CDK14: variants seen among roughly 807,000 people sequenced by gnomAD.
CDK14 encodes cyclin-dependent kinase 14.
In CDK14, 34 loss-of-function variants were observed where a neutral mutation model predicts 60.7. That is an observed-to-expected ratio of 0.56 (90% CI 0.43 to 0.75). The LOEUF (loss-of-function observed/expected upper bound fraction) is 0.75. CDK14 is among the 30% of genes least tolerant of loss of function. CDK14 has a pLI of 0.00. For synonymous variants in CDK14, 197 were observed against 203.7 expected (o/e 0.97, Z 0.28); for missense variants, 482 against 564.1 (o/e 0.85, Z 1.47).
intron 2 of CDK14, among the ~76,000 whole-genome samples, chr7:90,692,936 T>TAA (rs764007388): frequency 7.1e-6 from 1 of 141,124 alleles, no homozygotes; most frequent in African/African-American, 2.6e-5. Flanking sequence ...TTCCATCAAG[T>TAA]AAAAAAAAAA....
At chr7:90,937,586 C>CA (rs1265956868) in intron 8 of CDK14, among the ~76,000 whole-genome samples, 1 of 152,250 alleles carries the variant, frequency 6.6e-6, no homozygotes, top group Non-Finnish European at 1.5e-5. Flanking sequence ...GCATAGAAAA[C>CA]AAAATTTCTA....
intron 10 of CDK14, among the ~76,000 whole-genome samples, chr7:91,002,659 C>T (rs187144743): frequency 9.2e-5 from 14 of 152,302 alleles, no homozygotes; most frequent in African/African-American, 3.1e-4. Context: ...TCAGGGATCT[C>T]ACAGTCTGGC....
Position 90,726,860 on chromosome 7 carries a change from C to T in CDK14, c.369+48C>T, listed in dbSNP as rs568083008. 1.6e-5 allele frequency: 26 copies of T among 1,599,134 alleles called. No individual in the cohort carries two copies. The South Asian group carries it at 2.7e-4, about 17-fold the overall frequency. On this transcript the variant is annotated intron_variant, in intron 3 of 14. Transcript: ENST00000380050. Reference sequence around the variant, plus strand: ...TCACTGGGTAAACAGAAGGAATAGCCTTCTTATGATAGCATGCGGTGCTGG... The same window carrying T: ...TCACTGGGTAAACAGAAGGAATAGCTTTCTTATGATAGCATGCGGTGCTGG...
intron 10 of CDK14, among the ~76,000 whole-genome samples, chr7:91,017,565 G>T (rs1341186793): frequency 9.9e-5 from 15 of 152,170 alleles, no homozygotes; most frequent in Admixed American, 9.2e-4. Context: ...CTCAGCAGTA[G>T]GTGCTTGGTG....
intron 2 of CDK14, among the ~76,000 whole-genome samples, chr7:90,664,896 A>AT (rs1800943381): frequency 6.6e-6 from 1 of 152,146 alleles, no homozygotes; most frequent in African/African-American, 2.4e-5. Flanking sequence ...ATATGTAACA[A>AT]ACCTGCAGAT....
At chr7:90,690,308 G>A (rs1198005162) in intron 2 of CDK14, among the ~76,000 whole-genome samples, 2 of 152,152 alleles carry the variant, frequency 1.3e-5, no homozygotes, top group African/African-American at 4.8e-5. Context: ...TCTGGGGCCA[G>A]GCTGCCTATA....
intron 10 of CDK14, among the ~76,000 whole-genome samples, chr7:91,002,889 G>A (rs1280173405): frequency 2.6e-5 from 4 of 152,026 alleles, no homozygotes; most frequent in East Asian, 1.9e-4. Context: ...TGGCTAACAC[G>A]GTGAAACCCT....
At chr7:90,644,693 G>T (rs926851742) in intron 2 of CDK14, among the ~76,000 whole-genome samples, 1 of 152,180 alleles carries the variant, frequency 6.6e-6, no homozygotes, top group Non-Finnish European at 1.5e-5. Context: ...ACTTCTAGGG[G>T]CACCTCTGGT....
chr7:91,151,021 T>G (rs969878318), intron 14 of CDK14, among the ~76,000 whole-genome samples: 1 of 152,196 alleles, frequency 6.6e-6, no homozygotes, highest in Non-Finnish European at 1.5e-5. Context: ...AGGACACAGA[T>G]GTCATTATTA....
At chr7:90,837,969 T>C (rs1481856485) in intron 5 of CDK14, among the ~76,000 whole-genome samples, 5 of 152,100 alleles carry the variant, frequency 3.3e-5, no homozygotes, top group South Asian at 2.1e-4. Context: ...GAAAAACATA[T>C]GTAGGATGCC....
At chr7:90,635,516 A>G (rs1257578144) in intron 2 of CDK14, among the ~76,000 whole-genome samples, 2 of 152,194 alleles carry the variant, frequency 1.3e-5, no homozygotes, top group African/African-American at 4.8e-5. Context: ...TACCAGTACC[A>G]TGCTGTTTTG....
chr7:90,640,346 A>G (rs1800295766), intron 2 of CDK14, among the ~76,000 whole-genome samples: 1 of 152,314 alleles, frequency 6.6e-6, no homozygotes, highest in African/African-American at 2.4e-5. Context: ...TTAATCTAGA[A>G]GAAAAATATT....
chr7:91,058,876 G>A (rs144101853), intron 11 of CDK14, among the ~76,000 whole-genome samples: 1 of 151,904 alleles, frequency 6.6e-6, no homozygotes, highest in Non-Finnish European at 1.5e-5. Context: ...TTTTTTTGTT[G>A]TGTCTCTGCC....
At chr7:90,708,925 C>T (rs573510226) in intron 2 of CDK14, among the ~76,000 whole-genome samples, 176 of 152,246 alleles carry the variant, frequency 1.2e-3, no homozygotes, top group Non-Finnish European at 1.8e-3. Context: ...AGTGGATCAA[C>T]CACTCTCCTG....
chr7:90,792,677 A>G (rs1805881384), intron 5 of CDK14, among the ~76,000 whole-genome samples: 1 of 151,918 alleles, frequency 6.6e-6, no homozygotes, highest in Non-Finnish European at 1.5e-5. Flanking sequence ...CCAGGATACC[A>G]TCAGTTCTTC....
intron 10 of CDK14, among the ~76,000 whole-genome samples, chr7:91,035,766 T>G (rs1450231812): frequency 6.6e-6 from 1 of 152,010 alleles, no homozygotes; most frequent in African/African-American, 2.4e-5. Flanking sequence ...AAGGCACATT[T>G]ATCATCTCTC....
At chr7:90,825,822 A>G (rs1789702574) in intron 5 of CDK14, among the ~76,000 whole-genome samples, 3 of 152,174 alleles carry the variant, frequency 2.0e-5, no homozygotes, top group Non-Finnish European at 4.4e-5. Context: ...ATTATTTAAA[A>G]CTTTTATTAC....
At chr7:91,121,909 G>A (rs1177079185) in intron 14 of CDK14, among the ~76,000 whole-genome samples, 1 of 152,096 alleles carries the variant, frequency 6.6e-6, no homozygotes, top group Non-Finnish European at 1.5e-5. Context: ...ACTTATTTTT[G>A]CATGCAGTGA....
chr7:90,827,012 T>C (rs1250721782), intron 5 of CDK14, among the ~76,000 whole-genome samples: 2 of 152,060 alleles, frequency 1.3e-5, no homozygotes, highest in Non-Finnish European at 2.9e-5. Flanking sequence ...ATATATAATA[T>C]CTGCATGATA....
Sources: allele counts gnomAD v4.1 joint callset (sites outside exome capture counted in the v4.1 genomes callset), GRCh38; gene constraint gnomAD v4.1.1; transcripts MANE v1.5; gene names NCBI Gene and HGNC (gene_info 2026-07-23, HGNC 2026-07-21).